Variants in CSMD3 observed in about 807,000 individuals in gnomAD.
CSMD3 encodes CUB and sushi domain-containing protein 3.
CSMD3 carries 177 observed loss-of-function variants against 435.2 expected under a neutral mutation model. The observed-to-expected ratio is 0.41, with a 90% CI of 0.36 to 0.46. CSMD3 has a LOEUF of 0.46. CSMD3 is among the 20% of genes least tolerant of loss of function. The pLI, the probability that CSMD3 is intolerant of heterozygous loss-of-function variation, is 0.34. For missense variants in CSMD3, 4,265 were observed against 4,504.6 expected (o/e 0.95, Z 1.52); for synonymous variants, 1,656 against 1,520.5 (o/e 1.09, Z -2.07).
chr8:113,145,777 A>C (rs751483890), intron 4 of CSMD3, among the ~76,000 whole-genome samples: 9 of 151,640 alleles, frequency 5.9e-5, no homozygotes, highest in African/African-American at 9.7e-5. Context: ...GTACTTAATA[A>C]AGATGTCTTT....
At chr8:112,358,736 TCTTA>T (rs1360886180) in intron 38 of CSMD3, among the ~76,000 whole-genome samples, 3 of 152,132 alleles carry the variant, frequency 2.0e-5, no homozygotes, top group Admixed American at 2.0e-4. Flanking sequence ...CAGTTAAACC[TCTTA>T]CTTTGTAAAT....
At chr8:113,184,749 G>C (rs546708017) in intron 3 of CSMD3, among the ~76,000 whole-genome samples, 7 of 152,046 alleles carry the variant, frequency 4.6e-5, no homozygotes, top group African/African-American at 1.7e-4. Context: ...ATCAGCTTCC[G>C]AAAGCAGATG....
At chr8:113,084,223 T>C (rs1362647287) in intron 5 of CSMD3, among the ~76,000 whole-genome samples, 1 of 152,058 alleles carries the variant, frequency 6.6e-6, no homozygotes, top group Non-Finnish European at 1.5e-5. Flanking sequence ...CTCTACCAAA[T>C]GCTTTTAAAA....
At chr8:112,260,385 T>C (rs1330020186) in intron 61 of CSMD3, among the ~76,000 whole-genome samples, 1 of 152,186 alleles carries the variant, frequency 6.6e-6, no homozygotes, top group East Asian at 1.9e-4. Context: ...AGTGTCATTG[T>C]CTATTAAAAT....
intron 32 of CSMD3, among the ~76,000 whole-genome samples, chr8:112,436,167 A>G (rs1463137909): frequency 2.0e-5 from 3 of 151,912 alleles, no homozygotes; most frequent in Non-Finnish European, 4.4e-5. Context: ...GAACCTAAGA[A>G]ATCTAAATTT....
chr8:112,288,920 T>C (rs887892096), intron 57 of CSMD3, among the ~76,000 whole-genome samples: 2 of 152,132 alleles, frequency 1.3e-5, no homozygotes, highest in Admixed American at 6.6e-5. Flanking sequence ...ATTTTAAAAT[T>C]ATACCATTAA....
At chr8:113,285,665 C>T (rs1276184189) in intron 2 of CSMD3, among the ~76,000 whole-genome samples, 4 of 152,068 alleles carry the variant, frequency 2.6e-5, no homozygotes. Context: ...AGACGAACAT[C>T]CTGGAATCAT....
chr8:113,050,226 G>A (rs928375674), intron 5 of CSMD3, among the ~76,000 whole-genome samples: 1 of 151,844 alleles, frequency 6.6e-6, no homozygotes, highest in Non-Finnish European at 1.5e-5. Flanking sequence ...TAACATATAT[G>A]TGTATGTATA....
chr8:113,042,179 G>T (rs919255279), intron 5 of CSMD3, among the ~76,000 whole-genome samples: 2 of 151,984 alleles, frequency 1.3e-5, no homozygotes, highest in Non-Finnish European at 2.9e-5. Context: ...CAAACTTGTT[G>T]AGTTGCTGAA....
chr8:113,099,160 A>C (rs1461731779), intron 4 of CSMD3, among the ~76,000 whole-genome samples, 197 bp from the exon 5 acceptor site: 1 of 152,130 alleles, frequency 6.6e-6, no homozygotes, highest in Non-Finnish European at 1.5e-5. Context: ...AGTATAAAGT[A>C]TATCTTAACA....
rs534046139 is a variant in CSMD3, at chr8:113,155,543, G to A, written c.709+18179C>T. On this transcript the variant is annotated intron_variant, in intron 4 of 70. Transcript: ENST00000297405. ...GAAGACTTTAAGATACCATCCTGAG[G>A]GCAAGACCACAGGGTCAAGTATTCA... Among the ~76,000 whole-genome samples the A allele has an allele frequency of 2.2e-3, 335 of 152,046 alleles. 1 individual carries two copies. Among genetic ancestry groups the A allele is most frequent in the Non-Finnish European group, 3.5e-3 (235 of 67,960 alleles).
chr8:112,367,046 T>C (rs1028350346), intron 38 of CSMD3, among the ~76,000 whole-genome samples: 3 of 152,134 alleles, frequency 2.0e-5, no homozygotes, highest in South Asian at 2.1e-4. Flanking sequence ...TACCTTGCTT[T>C]GTATGTCTGT....
chr8:112,592,755 T>G (rs1174663431), intron 22 of CSMD3, among the ~76,000 whole-genome samples: 2 of 152,144 alleles, frequency 1.3e-5, no homozygotes, highest in East Asian at 1.9e-4. Context: ...GCTCAGTTAT[T>G]TATTAAAAAT....
At chr8:112,871,234 G>A (rs995865133) in intron 10 of CSMD3, among the ~76,000 whole-genome samples, 1 of 152,170 alleles carries the variant, frequency 6.6e-6, no homozygotes, top group Non-Finnish European at 1.5e-5. Context: ...CTGACTGTGA[G>A]AAAATGAAAT....
chr8:112,720,151 G>C (rs556608914), intron 13 of CSMD3, among the ~76,000 whole-genome samples: 1 of 152,200 alleles, frequency 6.6e-6, no homozygotes, highest in East Asian at 1.9e-4. Flanking sequence ...TGACCTAACT[G>C]TGGCAAAGGT....
At chr8:112,587,629 C>A (rs760535133) in intron 22 of CSMD3, among the ~76,000 whole-genome samples, 1 of 151,846 alleles carries the variant, frequency 6.6e-6, no homozygotes, top group Non-Finnish European at 1.5e-5. Context: ...CTAACTTCAT[C>A]TTTTAAAACA....
chr8:112,775,816 T>TG (rs2078232286), intron 13 of CSMD3, among the ~76,000 whole-genome samples: 2 of 152,038 alleles, frequency 1.3e-5, no homozygotes, highest in East Asian at 3.9e-4. Context: ...TTGCATAAAA[T>TG]ATACATATTT....
chr8:113,202,117 A>G (rs2092721842), intron 3 of CSMD3, among the ~76,000 whole-genome samples: 1 of 152,114 alleles, frequency 6.6e-6, no homozygotes, highest in Non-Finnish European at 1.5e-5. Context: ...ACTTGACTTC[A>G]TATTCATTCT....
At chr8:113,072,808 A>G (rs2131411887) in intron 5 of CSMD3, among the ~76,000 whole-genome samples, 1 of 122,814 alleles carries the variant, frequency 8.1e-6, no homozygotes, top group African/African-American at 3.5e-5. Context: ...CAGTAAATCA[A>G]ATTTAAATCA....
Sources: gnomAD v4.1 joint callset for allele counts (sites outside exome capture counted in the v4.1 genomes callset) on GRCh38, gnomAD v4.1.1 for gene constraint, MANE v1.5 for transcripts, NCBI Gene and HGNC (gene_info 2026-07-23, HGNC 2026-07-21) for gene names.